ABCD3: variants seen among roughly 807,000 people sequenced by gnomAD.
ABCD3 encodes ATP-binding cassette sub-family D member 3.
A neutral mutation model predicts 105.5 loss-of-function variants in ABCD3; 41 were observed. That is an observed-to-expected ratio of 0.39 (90% CI 0.30 to 0.50). The LOEUF (loss-of-function observed/expected upper bound fraction) is 0.50, where lower values mean the gene tolerates loss of function less well. Ranked by LOEUF, ABCD3 falls within the 20% of genes least tolerant of loss-of-function variation. ABCD3 has a pLI of 0.84. For synonymous variants in ABCD3, 258 were observed against 269.0 expected (o/e 0.96, Z 0.40); for missense variants, 622 against 806.3 (o/e 0.77, Z 2.77).
intron 3 of ABCD3, among the ~76,000 whole-genome samples, chr1:94,467,321 T>C (rs1295415906): frequency 1.2e-4 from 18 of 152,162 alleles, no homozygotes. Flanking sequence ...AACCTTCCCA[T>C]CCCACAGCTT....
chr1:94,457,638 C>G lies in ABCD3; in HGVS notation c.111-969C>G, dbSNP rs150084388. Among the ~76,000 whole-genome samples the G allele has an allele frequency of 8.3e-3, 1,261 of 152,206 alleles. 13 individuals are homozygous for G. Among genetic ancestry groups the G allele is most frequent in the African/African-American group, 0.029 (1,208 of 41,506 alleles). Reference sequence around the variant, plus strand: ...CCCCTCTCCTCATGTCACAGACTTCCTGGGGCAGCATGCATTTGCAGACTG... The same window carrying G: ...CCCCTCTCCTCATGTCACAGACTTCGTGGGGCAGCATGCATTTGCAGACTG... On this transcript the variant is annotated intron_variant, in intron 1 of 22. Coordinates refer to ENST00000370214, the MANE Select transcript of ABCD3 (RefSeq NM_002858.4).
intron 1 of ABCD3, among the ~76,000 whole-genome samples, chr1:94,430,665 G>A (rs1345022054): frequency 1.3e-5 from 2 of 152,140 alleles, no homozygotes; most frequent in Admixed American, 6.5e-5. Context: ...TGTGAGTCCA[G>A]TTAAACCTCT....
chr1:94,443,195 GT>G (rs1660195444), intron 1 of ABCD3, among the ~76,000 whole-genome samples: 1 of 152,004 alleles, frequency 6.6e-6, no homozygotes, highest in East Asian at 1.9e-4. Context: ...TGTGGTTTTA[GT>G]TTGCATTTCT....
At chr1:94,401,076 T>A in the ABCD3 span, among the ~76,000 whole-genome samples, 1 of 152,312 alleles carries the variant, frequency 6.6e-6, no homozygotes, top group Middle Eastern at 3.4e-3. Context: ...TCTCACCAGA[T>A]GTCTTCCTTT....
chr1:94,418,663 G>A (rs375981693), intron 1 of ABCD3, 75 bp downstream of exon 1: 24 of 1,457,360 alleles, frequency 1.6e-5, no homozygotes, highest in East Asian at 1.2e-4. Flanking sequence ...TCCCCACCCG[G>A]CCGACAGGTC....
chr1:94,457,580 C>T (rs1467412746), intron 1 of ABCD3, among the ~76,000 whole-genome samples: 1 of 152,090 alleles, frequency 6.6e-6, no homozygotes, highest in African/African-American at 2.4e-5. Context: ...CTTTGTCCCC[C>T]ACCTTAGAGT....
intron 1 of ABCD3, among the ~76,000 whole-genome samples, chr1:94,429,852 G>C (rs539953526): frequency 6.6e-6 from 1 of 152,356 alleles, no homozygotes; most frequent in South Asian, 2.1e-4. Context: ...GCACCACCTA[G>C]TGGAGCCATG....
chr1:94,516,493 G>C (rs537542909), intron 22 of ABCD3, among the ~76,000 whole-genome samples: 90 of 152,044 alleles, frequency 5.9e-4, no homozygotes, highest in Non-Finnish European at 1.0e-3. Context: ...GAGAGGAATT[G>C]AGAGCATTTG....
At chr1:94,408,205 A>G in the ABCD3 span, among the ~76,000 whole-genome samples, 1 of 152,248 alleles carries the variant, frequency 6.6e-6, no homozygotes, top group Non-Finnish European at 1.5e-5. Flanking sequence ...AGAAAGATAG[A>G]GAAAACATAA....
Position 94,487,981 on chromosome 1 carries a change from C to T in ABCD3, c.1155C>T (p.Ala385=), listed in dbSNP as rs776288914. ...VLAGREMTRL[A]GFTARITELM... ...CTGGGCGTGAAATGACTAGATTGGC[C>T]GGGTAAGATTAGTAATAATGAGCTG... The change falls in exon 13 of 23, where the codon GCC becomes GCT. Residue 385 remains alanine (A), a splice_region_variant and synonymous_variant. Transcript: ENST00000370214. The T allele has an allele frequency of 1.1e-5, 18 of 1,610,652 alleles. No homozygotes were observed. The highest frequency in any genetic ancestry group is 1.3e-5 in the African/African-American group (1 of 74,782).
chr1:94,456,098 GC>G (rs1647544065), intron 1 of ABCD3, among the ~76,000 whole-genome samples: 1 of 151,298 alleles, frequency 6.6e-6, no homozygotes, highest in African/African-American at 2.4e-5. Context: ...CAACCCCTGA[GC>G]CCCTGACAAC....
At chr1:94,394,169 A>G in the ABCD3 span, among the ~76,000 whole-genome samples, 1 of 152,178 alleles carries the variant, frequency 6.6e-6, no homozygotes, top group African/African-American at 2.4e-5. Context: ...TTTAGCATAC[A>G]TGTGATTTAC....
Position 94,418,415 on chromosome 1 carries a change from T to C in ABCD3, c.-64T>C. ...CCAGTCTCCCCCGCGCTGCGTGCAG[T>C]AAGGTAGCCGCCGCCGCCGCCGCCG... On this transcript the variant is annotated 5_prime_UTR_variant, in exon 1 of 23. Transcript: ENST00000370214. 2.2e-6 allele frequency: 3 copies of C among 1,358,260 alleles called. No individual in the cohort carries two copies. Among genetic ancestry groups the C allele is most frequent in the Non-Finnish European group, 2.0e-6 (2 of 985,760 alleles). The allele number at this position is 1,358,260 out of a possible 1,614,324, so 84.1% of individuals were successfully genotyped here.
the ABCD3 span, among the ~76,000 whole-genome samples, chr1:94,396,728 A>G: frequency 6.6e-6 from 1 of 152,240 alleles, no homozygotes; most frequent in South Asian, 2.1e-4. Flanking sequence ...CTGAAATTGT[A>G]TTGAGTTGCT....
At chr1:94,484,692 G>A (rs562899862) in intron 10 of ABCD3, among the ~76,000 whole-genome samples, 27 of 152,154 alleles carry the variant, frequency 1.8e-4, no homozygotes, top group Admixed American at 9.8e-4. Context: ...TGTAAATGAC[G>A]ACTTAATGAG....
In ABCD3 at chr1:94,475,740, A is replaced by G; in HGVS notation, c.627+3A>G. 1 of 1,599,184 alleles carries G rather than the reference A, an allele frequency of 6.3e-7. No individual in the cohort carries two copies. Among genetic ancestry groups the G allele is most frequent in the East Asian group, 2.2e-5 (1 of 44,626 alleles). On this transcript the variant is annotated splice_donor_region_variant and intron_variant, in intron 7 of 22. Transcript: ENST00000370214. The stretch of plus-strand genomic sequence containing the variant: ...ATCTGTATTCAAATCTTAGTAAGGT[A>G]AGTTTCTCTCCTTTTTAAAAGATTA...
At chr1:94,426,708 A>G (rs1659484036) in intron 1 of ABCD3, among the ~76,000 whole-genome samples, 2 of 151,802 alleles carry the variant, frequency 1.3e-5, no homozygotes, top group African/African-American at 2.4e-5. Context: ...ACACCCAGCT[A>G]ATTTTTTTGT....
the ABCD3 span, among the ~76,000 whole-genome samples, chr1:94,390,076 G>A: frequency 9.9e-5 from 15 of 152,144 alleles, no homozygotes; most frequent in East Asian, 2.7e-3. Flanking sequence ...AATTAAGAAA[G>A]AGCAAACTCA....
chr1:94,414,096 T>C (rs998504800), upstream of ABCD3, among the ~76,000 whole-genome samples: 1 of 152,056 alleles, frequency 6.6e-6, no homozygotes, highest in Non-Finnish European at 1.5e-5. Context: ...AATATATCTG[T>C]AGGAGGGGAG....
Sources: gnomAD v4.1 joint callset for allele counts (sites outside exome capture counted in the v4.1 genomes callset) on GRCh38, gnomAD v4.1.1 for gene constraint, MANE v1.5 for transcripts, NCBI Gene and HGNC (gene_info 2026-07-23, HGNC 2026-07-21) for gene names.